The following BRINP1 variants were observed in gnomAD, a reference collection of about 807,000 sequenced individuals.
The protein encoded by BRINP1 is BMP/retinoic acid-inducible neural-specific protein 1.
A neutral mutation model predicts 72.9 loss-of-function variants in BRINP1; 17 were observed. The ratio of observed to expected loss-of-function variants is 0.23; its 90% CI spans 0.16 to 0.35. BRINP1 has a LOEUF of 0.35. BRINP1 is among the 10% of genes least tolerant of loss of function. BRINP1 has a pLI of 1.00. For synonymous variants in BRINP1, 418 were observed against 378.5 expected (o/e 1.10, Z -1.21); for missense variants, 850 against 1,001.6 (o/e 0.85, Z 2.04).
chr9:119,265,524 G>A (rs1457081912), intron 2 of BRINP1, among the ~76,000 whole-genome samples: 1 of 152,108 alleles, frequency 6.6e-6, no homozygotes, highest in African/African-American at 2.4e-5. Flanking sequence ...TTGAACCCAG[G>A]AGGCAGAGGT....
At chr9:119,341,677 T>A (rs1831407684) in intron 1 of BRINP1, among the ~76,000 whole-genome samples, 1 of 152,168 alleles carries the variant, frequency 6.6e-6, no homozygotes, top group African/African-American at 2.4e-5. Flanking sequence ...AACTACGATG[T>A]TTGGTAGATT....
intron 1 of BRINP1, among the ~76,000 whole-genome samples, chr9:119,348,449 GT>G (rs917764189): frequency 2.0e-5 from 3 of 152,188 alleles, no homozygotes; most frequent in Admixed American, 6.5e-5. Flanking sequence ...GTGGACATCA[GT>G]TTTCAACATC....
intron 7 of BRINP1, among the ~76,000 whole-genome samples, chr9:119,194,811 A>T (rs1042270261): frequency 6.6e-6 from 1 of 152,190 alleles, no homozygotes; most frequent in African/African-American, 2.4e-5. Context: ...TGGTCTGTCC[A>T]ACACATTGAT....
intron 7 of BRINP1, among the ~76,000 whole-genome samples, chr9:119,171,239 C>CTCATGTGCAGAGACACACA (rs1207777417): frequency 3.4e-5 from 5 of 148,160 alleles, no homozygotes; most frequent in African/African-American, 1.3e-4. Context: ...GGAAACCCAT[C>CTCATGTGCAGAGACACACA]TCATGTGCAG....
intron 7 of BRINP1, among the ~76,000 whole-genome samples, chr9:119,188,232 G>A (rs1331042962): frequency 6.6e-6 from 1 of 152,008 alleles, no homozygotes. Flanking sequence ...TCCCAAATAG[G>A]TCCAACCCAA....
intron 2 of BRINP1, among the ~76,000 whole-genome samples, chr9:119,308,380 G>C (rs983890567): frequency 6.6e-6 from 1 of 152,094 alleles, no homozygotes; most frequent in Admixed American, 6.5e-5. Flanking sequence ...GGCAAGGGTG[G>C]GCTTCTCTCT....
At chr9:119,277,173 A>G (rs1830665402) in intron 2 of BRINP1, among the ~76,000 whole-genome samples, 1 of 152,216 alleles carries the variant, frequency 6.6e-6, no homozygotes, top group Non-Finnish European at 1.5e-5. Context: ...GCCTATGTGT[A>G]GAGGCATCAC....
chr9:119,272,314 C>T (rs1370169271), intron 2 of BRINP1, among the ~76,000 whole-genome samples: 2 of 152,066 alleles, frequency 1.3e-5, no homozygotes, highest in Non-Finnish European at 2.9e-5. Context: ...AACTCCTGAC[C>T]TCAGATGATC....
chr9:119,305,990 AGC>A (rs1325919933), intron 2 of BRINP1, among the ~76,000 whole-genome samples: 3 of 152,196 alleles, frequency 2.0e-5, no homozygotes, highest in Non-Finnish European at 2.9e-5. Context: ...CAGTATTTGA[AGC>A]CCTAAGGGCT....
chr9:119,232,042 A>T (rs72759801), intron 5 of BRINP1, among the ~76,000 whole-genome samples: 27,855 of 152,144 alleles, frequency 0.18, 2,829 homozygotes, highest in Non-Finnish European at 0.24. Flanking sequence ...TTCCAACTCA[A>T]CTAGGTTTGA....
In BRINP1 at chr9:119,313,126, C is replaced by T; in HGVS notation, c.218+12G>A. On this transcript the variant is annotated intron_variant, in intron 2 of 7. Coordinates refer to ENST00000265922, the MANE Select transcript of BRINP1 (RefSeq NM_014618.3). ...TGAATGTAAGGCAAGGGCTATTTAG[C>T]CCAGGTCTTACCTGTATATTTTATA... The T allele has an allele frequency of 6.2e-7, 1 of 1,612,310 alleles. No homozygotes were observed. The highest frequency in any genetic ancestry group is 1.7e-5 in the Admixed American group (1 of 59,940).
chr9:119,248,918 C>T, intron 3 of BRINP1, 42 bp downstream of exon 3: 1 of 1,566,236 alleles, frequency 6.4e-7, no homozygotes, highest in Non-Finnish European at 8.7e-7. Context: ...ATCCCAAACC[C>T]AAAGTCATGA....
intron 1 of BRINP1, among the ~76,000 whole-genome samples, chr9:119,346,584 T>G (rs939733961): frequency 1.3e-5 from 2 of 151,552 alleles, no homozygotes; most frequent in South Asian, 4.2e-4. Context: ...CCTGCCAGAG[T>G]TGGCCAAAGG....
intron 7 of BRINP1, among the ~76,000 whole-genome samples, chr9:119,190,676 G>A (rs888960093): frequency 1.3e-5 from 2 of 151,712 alleles, no homozygotes; most frequent in African/African-American, 4.8e-5. Flanking sequence ...TTCCACTAAG[G>A]AAAAGCCCAG....
intron 7 of BRINP1, among the ~76,000 whole-genome samples, chr9:119,200,741 A>T (rs1481595804): frequency 6.6e-6 from 1 of 152,114 alleles, no homozygotes; most frequent in Non-Finnish European, 1.5e-5. Context: ...GAAGCATATA[A>T]AATAAGTCCT....
In BRINP1 at chr9:119,238,674, C is replaced by G. The variant is rs747033005; in HGVS notation, c.666G>C (p.Glu222Asp). The G allele has an allele frequency of 3.7e-6, 6 of 1,610,520 alleles. No individual in the cohort carries two copies. The highest frequency in any genetic ancestry group is 5.1e-6 in the Non-Finnish European group (6 of 1,178,884). Residue 222 changes from glutamate to aspartate, a missense_variant, in exon 5 of 8, where the codon GAG becomes GAC. Transcript: ENST00000265922. ...SVSSVLLQST[E>D]SKLHLQGLQI... ...TCCTACCTTGAAGGTGCAGTTTGCT[C>G]TCCGTGCTTTGCAGAAGGACGGAAC...
At chr9:119,256,137 T>C (rs138575340) in intron 2 of BRINP1, among the ~76,000 whole-genome samples, 3 of 152,296 alleles carry the variant, frequency 2.0e-5, no homozygotes, top group East Asian at 3.9e-4. Flanking sequence ...CTGTGAGTTA[T>C]GGTTCTACCA....
At position 119,198,672 on chromosome 9, in the gene BRINP1, A is replaced by AT. The variant is rs35233721; in HGVS notation, c.1145+10046dup. ...TACTGCTGTGCTCTTGAAAATATTA[A>AT]TTTTTTTTTTTTTTTTTGAGACACA... is the stretch of plus-strand genomic sequence containing the variant. On this transcript the variant is annotated intron_variant, in intron 7 of 7. Transcript: ENST00000265922. Among the ~76,000 whole-genome samples, 224 of 146,520 alleles carry AT rather than the reference A, an allele frequency of 1.5e-3. 1 individual carries two copies. The highest frequency in any genetic ancestry group is 3.0e-3 in the South Asian group (14 of 4,624).
At chr9:119,281,318 T>C (rs1034426869) in intron 2 of BRINP1, among the ~76,000 whole-genome samples, 2 of 152,074 alleles carry the variant, frequency 1.3e-5, no homozygotes, top group African/African-American at 4.8e-5. Context: ...CTGCAATCAA[T>C]CAGCCTGCTT....
Sources: allele counts gnomAD v4.1 joint callset (sites outside exome capture counted in the v4.1 genomes callset), GRCh38; gene constraint gnomAD v4.1.1; transcripts MANE v1.5; gene names NCBI Gene and HGNC (gene_info 2026-07-23, HGNC 2026-07-21).